ST7: variants seen among roughly 807,000 people sequenced by gnomAD.
The protein encoded by ST7 is suppression of tumorigenicity 7, also known as suppressor of tumorigenicity 7 protein.
A neutral mutation model predicts 78.7 loss-of-function variants in ST7; 28 were observed. That is an observed-to-expected ratio of 0.36 (90% CI 0.26 to 0.49). ST7 has a LOEUF of 0.49. ST7 is among the 20% of genes least tolerant of loss of function. The pLI, the probability that ST7 is intolerant of heterozygous loss-of-function variation, is 0.99. For synonymous variants in ST7, 247 were observed against 249.6 expected (o/e 0.99, Z 0.10); for missense variants, 418 against 696.0 (o/e 0.60, Z 4.49).
Position 117,134,112 on chromosome 7 carries a change from C to G in ST7, c.642-12C>G. On this transcript the variant is annotated splice_polypyrimidine_tract_variant and intron_variant, in intron 6 of 15. Transcript: ENST00000323984. ...TTTTCATTTTACCAACTATTTTTTT[C>G]TTCTTGGTCAGAATTAGGTCCAGAG... The G allele has an allele frequency of 6.2e-7, 1 of 1,609,562 alleles. No individual in the cohort carries two copies. Among genetic ancestry groups the G allele is most frequent in the Non-Finnish European group, 8.5e-7 (1 of 1,177,952 alleles).
chr7:117,026,989 A>T (rs928512463), intron 1 of ST7, among the ~76,000 whole-genome samples: 1 of 152,264 alleles, frequency 6.6e-6, no homozygotes, highest in Non-Finnish European at 1.5e-5. Flanking sequence ...GCCCTGTGGC[A>T]AGCATCATTG....
chr7:117,053,389 T>G (rs1797893141), intron 1 of ST7, among the ~76,000 whole-genome samples: 1 of 152,224 alleles, frequency 6.6e-6, no homozygotes, highest in African/African-American at 2.4e-5. Flanking sequence ...ACTACTCTTG[T>G]TAGGGAAGTC....
chr7:117,189,278 T>G lies in ST7; in HGVS notation c.1079-43T>G, dbSNP rs771578487. ...TGTATTGAAAATGATTGCTCTTTGT[T>G]ACCTGCAAACTTATGTGTTCCTACT... On this transcript the variant is annotated intron_variant, in intron 10 of 15. Transcript: ENST00000323984. 3.4e-5 allele frequency: 49 copies of G among 1,462,402 alleles called. No individual in the cohort carries two copies. The East Asian group carries it at 1.1e-3, about 34-fold the overall frequency. 90.6% of individuals were successfully genotyped at this position (1,462,402 alleles called of 1,614,324 possible). A position where few individuals can be genotyped will look rare whatever the true frequency, so the allele number is the denominator to read the frequency against.
chr7:117,000,540 G>A (rs1231575726), intron 1 of ST7, among the ~76,000 whole-genome samples: 3 of 152,344 alleles, frequency 2.0e-5, no homozygotes, highest in Middle Eastern at 3.4e-3. Context: ...GAAGCAGCTT[G>A]TTCGAGAGCC....
chr7:117,212,347 C>G (rs6972980), intron 13 of ST7, among the ~76,000 whole-genome samples: 7,990 of 152,142 alleles, frequency 0.053, 703 homozygotes, highest in African/African-American at 0.18. Flanking sequence ...GTTGGGGAGC[C>G]AGGATGTAAA....
At position 117,190,293 on chromosome 7, in the gene ST7, GT is replaced by G. The variant is rs1809649955; in HGVS notation, c.1152-534del. 1 of 168,190 alleles carries G rather than the reference GT, an allele frequency of 5.9e-6. No individual in the cohort carries two copies. Among genetic ancestry groups the G allele is most frequent in the Admixed American group, 6.5e-5 (1 of 15,494 alleles). 10.4% of individuals were successfully genotyped at this position (168,190 alleles called of 1,614,324 possible). A position where few individuals can be genotyped will look rare whatever the true frequency, so the allele number is the denominator to read the frequency against. On this transcript the variant is annotated intron_variant, in intron 11 of 15. Coordinates refer to ENST00000323984, the MANE Select transcript of ST7 (RefSeq NM_001369598.1). This position sits in a 1 kb window ranked among gnomAD's most constrained non-coding sequence, Gnocchi z 5.2. ...GGTGAGAAAGAGATTGCATGGTCTG[GT>G]TTTTTTCATTCACTTGGGCAGGTGT...
At chr7:117,160,651 G>A (rs1468614834) in intron 9 of ST7, among the ~76,000 whole-genome samples, 2 of 137,610 alleles carry the variant, frequency 1.5e-5, no homozygotes, top group Non-Finnish European at 3.0e-5. Context: ...TTGTGTGTGT[G>A]TGTATATATA....
At chr7:117,023,820 G>T (rs534551278) in intron 1 of ST7, among the ~76,000 whole-genome samples, 1 of 152,102 alleles carries the variant, frequency 6.6e-6, no homozygotes, top group South Asian at 2.1e-4. Context: ...GTGTGTGTGT[G>T]TGACGGAGTC....
chr7:117,094,703 G>A (rs1800890761), intron 1 of ST7, among the ~76,000 whole-genome samples: 1 of 152,102 alleles, frequency 6.6e-6, no homozygotes, highest in Admixed American at 6.6e-5. Context: ...CTCTCTCAGG[G>A]CCATCACAAC....
chr7:116,981,400 G>A (rs1793952668), intron 1 of ST7, among the ~76,000 whole-genome samples: 1 of 152,118 alleles, frequency 6.6e-6, no homozygotes, highest in Non-Finnish European at 1.5e-5. Context: ...ATGAACCACT[G>A]CACCTGGCCT....
chr7:117,200,818 C>CT (rs5886845), intron 12 of ST7, among the ~76,000 whole-genome samples: 51 of 141,704 alleles, frequency 3.6e-4, no homozygotes, highest in African/African-American at 5.0e-4. Flanking sequence ...AAAATGTACT[C>CT]TTTTTTTTTT....
At chr7:117,095,858 A>T (rs770525240) in intron 1 of ST7, among the ~76,000 whole-genome samples, 2 of 152,104 alleles carry the variant, frequency 1.3e-5, no homozygotes, top group East Asian at 1.9e-4. Context: ...ACCTGAGGTC[A>T]GGAGTTTGAG....
At chr7:116,960,021 G>A (rs1290903921) in intron 1 of ST7, among the ~76,000 whole-genome samples, 2 of 152,086 alleles carry the variant, frequency 1.3e-5, no homozygotes, top group African/African-American at 4.8e-5. Flanking sequence ...TCCAGATTTT[G>A]TATGACTTCC....
chr7:117,044,065 TC>T (rs779815146), intron 1 of ST7, among the ~76,000 whole-genome samples: 8 of 152,332 alleles, frequency 5.3e-5, no homozygotes, highest in Non-Finnish European at 1.0e-4. Flanking sequence ...CCTACGTTGT[TC>T]TTTCTCAGTA....
At chr7:117,168,972 G>C (rs187722182) in intron 9 of ST7, among the ~76,000 whole-genome samples, 1 of 152,142 alleles carries the variant, frequency 6.6e-6, no homozygotes, top group Non-Finnish European at 1.5e-5. Context: ...TGTTATAATA[G>C]ATAGCAGTTA....
At chr7:117,040,009 T>C (rs1797124722) in intron 1 of ST7, among the ~76,000 whole-genome samples, 2 of 152,144 alleles carry the variant, frequency 1.3e-5, no homozygotes, top group South Asian at 4.1e-4. Context: ...AGAAATTCAG[T>C]CAGGTAGGAT....
rs145309405 is a variant in ST7, at chr7:117,222,554, G to C, written c.1638+492G>C. ...TAAAGGGCTTATTAAGAAGTAAACT[G>C]AAATGACATTTAGAAATATGGAAAT... On this transcript the variant is annotated intron_variant, in intron 15 of 15. Transcript: ENST00000323984. 7.3e-3 allele frequency among the ~76,000 whole-genome samples: 1,109 copies of C among 152,274 alleles called. 17 individuals are homozygous for C. The highest frequency in any genetic ancestry group is 0.025 in the African/African-American group (1,046 of 41,548).
At chr7:117,097,330 T>C (rs76910449) in intron 1 of ST7, among the ~76,000 whole-genome samples, 1 of 151,164 alleles carries the variant, frequency 6.6e-6, no homozygotes, top group Middle Eastern at 3.4e-3. Flanking sequence ...CTGCTGGCTT[T>C]TTTTTTTTTT....
At chr7:117,129,261 T>G (rs1182187065) in intron 3 of ST7, among the ~76,000 whole-genome samples, 1 of 151,858 alleles carries the variant, frequency 6.6e-6, no homozygotes, top group African/African-American at 2.4e-5. Context: ...AATATGGTAA[T>G]CTTATTAATT....
Sources: allele counts gnomAD v4.1 joint callset (sites outside exome capture counted in the v4.1 genomes callset), GRCh38; gene constraint gnomAD v4.1.1; non-coding constraint Gnocchi (gnomAD v3.1); transcripts MANE v1.5; gene names NCBI Gene and HGNC (gene_info 2026-07-23, HGNC 2026-07-21).